SSBP3: variants seen among roughly 807,000 people sequenced by gnomAD.
SSBP3 encodes single-stranded DNA-binding protein 3.
A neutral mutation model predicts 69.6 loss-of-function variants in SSBP3; 5 were observed. The observed-to-expected ratio is 0.07, with a 90% CI of 0.04 to 0.15. The LOEUF (loss-of-function observed/expected upper bound fraction) is 0.15, where lower values mean the gene tolerates loss of function less well. Among genes scored for constraint, SSBP3 ranks in the 10% least tolerant of loss-of-function variants. The pLI, the probability that SSBP3 is intolerant of heterozygous loss-of-function variation, is 1.00. For missense variants in SSBP3, 312 were observed against 534.0 expected (o/e 0.58, Z 4.10); for synonymous variants, 196 against 193.4 (o/e 1.01, Z -0.11).
At chr1:54,313,481 C>T (rs1346427017) in intron 4 of SSBP3, among the ~76,000 whole-genome samples, 1 of 121,096 alleles carries the variant, frequency 8.3e-6, no homozygotes, top group Admixed American at 1.0e-4. Flanking sequence ...GAGCTGGGGT[C>T]TCACTATGTT....
chr1:54,284,536 T>C (rs1226553926), intron 4 of SSBP3, among the ~76,000 whole-genome samples: 1 of 152,004 alleles, frequency 6.6e-6, no homozygotes, highest in Non-Finnish European at 1.5e-5. Flanking sequence ...GGCCCGATCA[T>C]TGCTTACTAT....
intron 4 of SSBP3, among the ~76,000 whole-genome samples, chr1:54,289,741 G>A (rs1452000884): frequency 1.3e-5 from 2 of 152,088 alleles, no homozygotes; most frequent in Non-Finnish European, 2.9e-5. Context: ...CCTGGGCACA[G>A]GGCCTCCTGA....
chr1:54,337,163 C>A (rs1274702615), intron 4 of SSBP3, among the ~76,000 whole-genome samples: 1 of 152,236 alleles, frequency 6.6e-6, no homozygotes, highest in African/African-American at 2.4e-5. Flanking sequence ...TTGACCTTCA[C>A]AGTGGAATCG....
intron 4 of SSBP3, among the ~76,000 whole-genome samples, chr1:54,346,350 C>G (rs1036040321): frequency 6.6e-6 from 1 of 151,514 alleles, no homozygotes; most frequent in Non-Finnish European, 1.5e-5. Context: ...AATTACTGTA[C>G]TGACTAAAGT....
rs540494581 is a variant in SSBP3 at position 54,379,639 on chromosome 1, C to T, written c.276+22222G>A. 2.0e-4 allele frequency among the ~76,000 whole-genome samples: 31 copies of T among 152,320 alleles called. No individual in the cohort carries two copies. In the South Asian group the frequency reaches 6.0e-3, roughly 30 times the overall value. On this transcript the variant is annotated intron_variant, in intron 4 of 17. Transcript: ENST00000610401. ...AGAAAGAGGCGGTACAATGGTGCGG[C>T]CAGGAGGCTGGCTGGCTGTCACCAT...
At chr1:54,230,123 G>A (rs942960031) in intron 14 of SSBP3, among the ~76,000 whole-genome samples, 3 of 152,210 alleles carry the variant, frequency 2.0e-5, no homozygotes, top group Non-Finnish European at 2.9e-5. Context: ...GGTGTAAGGG[G>A]TAAGGCTGTG....
At chr1:54,313,295 C>T (rs935791476) in intron 4 of SSBP3, among the ~76,000 whole-genome samples, 2 of 152,004 alleles carry the variant, frequency 1.3e-5, no homozygotes, top group African/African-American at 4.8e-5. Context: ...CCTCGCCAGA[C>T]AATGGAAGGC....
chr1:54,292,910 C>G (rs6659560), intron 4 of SSBP3, among the ~76,000 whole-genome samples: 2,985 of 152,166 alleles, frequency 0.02, 103 homozygotes, highest in African/African-American at 0.069. Flanking sequence ...ACATCCCTAC[C>G]CTGCCAAGTG....
At chr1:54,243,926 GT>G (rs200412407) in intron 9 of SSBP3, among the ~76,000 whole-genome samples, 1 of 151,688 alleles carries the variant, frequency 6.6e-6, no homozygotes, top group East Asian at 1.9e-4. Context: ...GTGTGTGTGA[GT>G]TTTTTTTTGT....
chr1:54,232,197 TTGA>T (rs1357779401), intron 14 of SSBP3, among the ~76,000 whole-genome samples: 2 of 152,178 alleles, frequency 1.3e-5, no homozygotes, highest in Non-Finnish European at 2.9e-5. Flanking sequence ...AGTTAAATGA[TTGA>T]TATGTATGAG....
At chr1:54,267,286 C>T (rs996696044) in intron 5 of SSBP3, among the ~76,000 whole-genome samples, 1 of 152,212 alleles carries the variant, frequency 6.6e-6, no homozygotes, top group Non-Finnish European at 1.5e-5. Context: ...TTTTCAAGAA[C>T]ACAGCCCAAT....
chr1:54,257,099 G>T, intron 7 of SSBP3, 28 bp downstream of exon 7: 1 of 1,592,692 alleles, frequency 6.3e-7, no homozygotes, highest in Non-Finnish European at 8.5e-7. Flanking sequence ...CTGAGGGAGG[G>T]GAGAGAGAAC....
intron 5 of SSBP3, among the ~76,000 whole-genome samples, chr1:54,259,797 G>A (rs940266833): frequency 6.6e-5 from 10 of 152,340 alleles, no homozygotes; most frequent in Middle Eastern, 3.4e-3. Context: ...TTGGCCAAGC[G>A]AGGAGCTGCT....
intron 9 of SSBP3, among the ~76,000 whole-genome samples, chr1:54,249,451 T>C (rs956150227): frequency 1.3e-5 from 2 of 151,976 alleles, no homozygotes; most frequent in African/African-American, 4.8e-5. Context: ...TCCCAGCACT[T>C]TGGGAGGCTG....
intron 4 of SSBP3, among the ~76,000 whole-genome samples, chr1:54,370,408 G>A (rs1225278868): frequency 1.3e-5 from 2 of 152,188 alleles, no homozygotes; most frequent in Admixed American, 6.5e-5. Context: ...TCTGAACCCG[G>A]GTTGGCAGAA....
intron 5 of SSBP3, among the ~76,000 whole-genome samples, chr1:54,261,728 C>T (rs369436781): frequency 6.6e-6 from 1 of 152,262 alleles, no homozygotes; most frequent in African/African-American, 2.4e-5. Context: ...TGGATGCCTT[C>T]GGTTCCAGAG....
At chr1:54,369,669 C>T (rs1647093301) in intron 4 of SSBP3, among the ~76,000 whole-genome samples, 1 of 140,374 alleles carries the variant, frequency 7.1e-6, no homozygotes, top group Admixed American at 7.6e-5. Flanking sequence ...GAACTTCAAA[C>T]TCAACCTCCA....
chr1:54,331,136 A>G (rs1377954937), intron 4 of SSBP3, among the ~76,000 whole-genome samples: 2 of 152,242 alleles, frequency 1.3e-5, no homozygotes, highest in Admixed American at 6.5e-5. Context: ...CCCCGATATA[A>G]TAACCTCCGC....
chr1:54,301,393 C>T (rs1348512402), intron 4 of SSBP3, among the ~76,000 whole-genome samples: 1 of 152,208 alleles, frequency 6.6e-6, no homozygotes, highest in Non-Finnish European at 1.5e-5. Flanking sequence ...GCTCACTCAT[C>T]CGGACTGTGC....
Sources: allele counts gnomAD v4.1 joint callset (sites outside exome capture counted in the v4.1 genomes callset), GRCh38; gene constraint gnomAD v4.1.1; transcripts MANE v1.5; gene names NCBI Gene and HGNC (gene_info 2026-07-23, HGNC 2026-07-21).